Variants in SLC24A3 observed in about 807,000 individuals in gnomAD.
SLC24A3 encodes solute carrier family 24 member 3.
SLC24A3 carries 28 observed loss-of-function variants against 75.8 expected under a neutral mutation model. The ratio of observed to expected loss-of-function variants is 0.37; its 90% confidence interval spans 0.27 to 0.51. SLC24A3 has a LOEUF of 0.51. Among genes scored for constraint, SLC24A3 ranks in the 20% least tolerant of loss-of-function variants. SLC24A3 has a pLI of 0.94. For synonymous variants in SLC24A3, 372 were observed against 334.1 expected (o/e 1.11, Z -1.24); for missense variants, 663 against 847.8 (o/e 0.78, Z 2.71).
intron 2 of SLC24A3, among the ~76,000 whole-genome samples, chr20:19,497,759 G>T (rs1269613217): frequency 6.6e-6 from 1 of 152,108 alleles, no homozygotes; most frequent in Admixed American, 6.5e-5. Context: ...TTCTCATGAG[G>T]ATCAGGAAAG....
At chr20:19,494,202 T>G (rs972048499) in intron 2 of SLC24A3, among the ~76,000 whole-genome samples, 3 of 152,230 alleles carry the variant, frequency 2.0e-5, no homozygotes, top group African/African-American at 7.2e-5. Flanking sequence ...TGCCCATCTA[T>G]AGTCCATACC....
intron 6 of SLC24A3, among the ~76,000 whole-genome samples, chr20:19,586,641 A>T (rs2031300997): frequency 2.0e-5 from 3 of 152,046 alleles, no homozygotes. Flanking sequence ...CGGGTCCACC[A>T]TTGCATTCTC....
chr20:19,492,230 T>TTAGA (rs954293062), intron 2 of SLC24A3, among the ~76,000 whole-genome samples: 79 of 152,306 alleles, frequency 5.2e-4, no homozygotes, highest in African/African-American at 1.8e-3. Flanking sequence ...GATGCTTGCT[T>TTAGA]TAGAGTACTC....
intron 2 of SLC24A3, among the ~76,000 whole-genome samples, chr20:19,406,329 T>C (rs1010293728): frequency 6.6e-6 from 1 of 152,158 alleles, no homozygotes; most frequent in African/African-American, 2.4e-5. Context: ...TATGTATATA[T>C]GAAGGCAATT....
chr20:19,648,001 A>G (rs919249935), intron 6 of SLC24A3, among the ~76,000 whole-genome samples: 1 of 152,202 alleles, frequency 6.6e-6, no homozygotes, highest in African/African-American at 2.4e-5. Context: ...ATTTTGCAAA[A>G]GCGTGTAATT....
At chr20:19,215,652 T>C (rs1981533632) in intron 1 of SLC24A3, among the ~76,000 whole-genome samples, 1 of 152,164 alleles carries the variant, frequency 6.6e-6, no homozygotes, top group African/African-American at 2.4e-5. Context: ...CTTTCTCTCT[T>C]CTTTCCTCTT....
intron 3 of SLC24A3, among the ~76,000 whole-genome samples, chr20:19,549,368 A>G (rs2030654703): frequency 6.6e-6 from 1 of 152,230 alleles, no homozygotes; most frequent in Admixed American, 6.5e-5. Flanking sequence ...TCCAAGATTA[A>G]AAGTTGATAT....
chr20:19,457,836 G>A (rs1289678377), intron 2 of SLC24A3, among the ~76,000 whole-genome samples: 6 of 152,178 alleles, frequency 3.9e-5, no homozygotes, highest in Admixed American at 2.0e-4. Flanking sequence ...AGAACTACAC[G>A]TGGCTTCTGC....
intron 2 of SLC24A3, among the ~76,000 whole-genome samples, chr20:19,494,847 A>G (rs1438903027): frequency 2.0e-5 from 3 of 152,228 alleles, no homozygotes; most frequent in Non-Finnish European, 4.4e-5. Flanking sequence ...TTGGAGACTT[A>G]GAACAAAAGC....
chr20:19,565,131 G>C (rs1195823575), intron 3 of SLC24A3, among the ~76,000 whole-genome samples: 2 of 152,218 alleles, frequency 1.3e-5, no homozygotes, highest in Non-Finnish European at 1.5e-5. Context: ...CTAAGACCTA[G>C]GTTAGGTGTC....
rs181038339 is a variant in SLC24A3 at position 19,630,240 on chromosome 20, G to A, written c.613-23822G>A. Among the ~76,000 whole-genome samples, 18 of 152,266 alleles carry A rather than the reference G, an allele frequency of 1.2e-4. No individual in the cohort carries two copies. The East Asian group carries it at 2.7e-3, about 23-fold the overall frequency. The stretch of plus-strand genomic sequence containing the variant: ...GTCAAAGTTTAAAACATTATACAAC[G>A]TTGGAAAATAAGATTAAGACAGCTA... On this transcript the variant is annotated intron_variant, in intron 6 of 16. Transcript: ENST00000328041.
intron 2 of SLC24A3, among the ~76,000 whole-genome samples, chr20:19,489,123 CA>C (rs1988169892): frequency 6.6e-6 from 1 of 152,152 alleles, no homozygotes. Flanking sequence ...TAGCCTAATT[CA>C]ATCTATACAT....
intron 2 of SLC24A3, among the ~76,000 whole-genome samples, chr20:19,425,082 A>G (rs992998218): frequency 1.3e-5 from 2 of 152,174 alleles, no homozygotes; most frequent in Non-Finnish European, 2.9e-5. Flanking sequence ...AGGTGGGCAG[A>G]TCACGAGTTC....
rs113165938 is a variant in SLC24A3, at chr20:19,379,303, C to T, written c.271+98216C>T. Among the ~76,000 whole-genome samples, 831 of 152,216 alleles carry T rather than the reference C, an allele frequency of 5.5e-3. 5 individuals carry two copies. Among genetic ancestry groups the T allele is most frequent in the African/African-American group, 0.019 (800 of 41,510 alleles). On this transcript the variant is annotated intron_variant, in intron 2 of 16. Transcript: ENST00000328041. ...AGAACCACCCATGTGTTTCTGCCTTCAGGGATCTTCACTCTGGAGTGGGGT... is the reference window on the plus strand; with the variant it reads ...AGAACCACCCATGTGTTTCTGCCTTTAGGGATCTTCACTCTGGAGTGGGGT...
intron 7 of SLC24A3, among the ~76,000 whole-genome samples, chr20:19,654,775 G>A (rs190537663): frequency 1.4e-3 from 210 of 149,844 alleles, no homozygotes; most frequent in South Asian, 3.8e-3. Flanking sequence ...AGCCTGCCAA[G>A]TATCTGGGAC....
At chr20:19,231,983 C>A (rs1982034661) in intron 1 of SLC24A3, among the ~76,000 whole-genome samples, 1 of 152,236 alleles carries the variant, frequency 6.6e-6, no homozygotes, top group African/African-American at 2.4e-5. Context: ...GCATTCATGG[C>A]TGTATGCCCA....
intron 2 of SLC24A3, among the ~76,000 whole-genome samples, chr20:19,380,042 A>G (rs963425666): frequency 1.3e-5 from 2 of 152,220 alleles, no homozygotes; most frequent in Admixed American, 6.5e-5. Flanking sequence ...GTTCCTGCCT[A>G]CAGGGAACTT....
rs368743897 is a variant in SLC24A3 at position 19,421,946 on chromosome 20, C to T, written c.272-93542C>T. On this transcript the variant is annotated intron_variant, in intron 2 of 16. Coordinates refer to ENST00000328041, the MANE Select transcript of SLC24A3 (RefSeq NM_020689.4). ...TCTCAATACAAGATGTGTCAGGGAGCGAGTTACCACTGTGGACACCGGGAA... is the reference window on the plus strand; with the variant it reads ...TCTCAATACAAGATGTGTCAGGGAGTGAGTTACCACTGTGGACACCGGGAA... Among the ~76,000 whole-genome samples the T allele has an allele frequency of 3.9e-5, 6 of 152,230 alleles. No individual in the cohort carries two copies. In the South Asian group the frequency reaches 6.2e-4, roughly 16 times the overall value.
intron 2 of SLC24A3, among the ~76,000 whole-genome samples, chr20:19,490,191 A>G (rs1988189565): frequency 6.6e-6 from 1 of 152,160 alleles, no homozygotes; most frequent in African/African-American, 2.4e-5. Flanking sequence ...CTTTCACTCT[A>G]GATGGTAATG....
Sources: gnomAD v4.1 joint callset for allele counts (sites outside exome capture counted in the v4.1 genomes callset) on GRCh38, gnomAD v4.1.1 for gene constraint, MANE v1.5 for transcripts, NCBI Gene and HGNC (gene_info 2026-07-23, HGNC 2026-07-21) for gene names.